EFL1: variants seen among roughly 807,000 people sequenced by gnomAD.
The protein encoded by EFL1 is elongation factor like GTPase 1, also known as elongation factor-like GTPase 1.
In EFL1, 76 loss-of-function variants were observed where a neutral mutation model predicts 126.7. That is an observed-to-expected ratio of 0.60 (90% CI 0.50 to 0.73). The LOEUF is 0.73. Among genes scored for constraint, EFL1 ranks in the 30% least tolerant of loss-of-function variants. EFL1 has a pLI of 0.00. For synonymous variants in EFL1, 410 were observed against 448.4 expected, an observed-to-expected ratio of 0.91 and a Z score of 1.08; for missense variants, 1,128 against 1,343.2, an observed-to-expected ratio of 0.84 and a Z score of 2.50.
chr15:82,251,075 G>A (rs1293465289), intron 4 of EFL1, among the ~76,000 whole-genome samples: 8 of 152,130 alleles, frequency 5.3e-5, no homozygotes, highest in Non-Finnish European at 1.2e-4. Flanking sequence ...AGCCGGGCAC[G>A]GTGGCATGCA....
At chr15:82,199,366 G>C (rs1005519378) in intron 15 of EFL1, among the ~76,000 whole-genome samples, 2 of 152,204 alleles carry the variant, frequency 1.3e-5, no homozygotes, top group African/African-American at 4.8e-5. Context: ...AAATATCCGA[G>C]AGTAAGAAGG....
chr15:82,241,159 G>A (rs1266923699), intron 5 of EFL1, 111 bp downstream of exon 5: 35 of 1,293,912 alleles, frequency 2.7e-5, no homozygotes, highest in Non-Finnish European at 4.3e-6. Context: ...GTTACCAAAT[G>A]TGAAATATAA....
At chr15:82,170,666 T>A (rs1469370166) in intron 15 of EFL1, among the ~76,000 whole-genome samples, 4 of 152,226 alleles carry the variant, frequency 2.6e-5, no homozygotes, top group African/African-American at 7.2e-5. Flanking sequence ...GATTTGTTAA[T>A]CAAATTTAAG....
chr15:82,259,528 C>T (rs1040577349), intron 2 of EFL1, among the ~76,000 whole-genome samples: 1 of 152,136 alleles, frequency 6.6e-6, no homozygotes, highest in Non-Finnish European at 1.5e-5. Flanking sequence ...GAACATTATC[C>T]ATATCTCTTA....
intron 16 of EFL1, among the ~76,000 whole-genome samples, chr15:82,161,183 A>G (rs528148129): frequency 2.2e-4 from 28 of 127,740 alleles, no homozygotes; most frequent in African/African-American, 1.0e-3. Context: ...AGTTGTCACA[A>G]TAAAAAAAAA....
chr15:82,153,455 G>C (rs903010410), intron 17 of EFL1, among the ~76,000 whole-genome samples: 1 of 151,922 alleles, frequency 6.6e-6, no homozygotes, highest in Non-Finnish European at 1.5e-5. Flanking sequence ...GCAGGTGTGT[G>C]CATTAAAAAA....
At chr15:82,196,889 G>A (rs1371118836) in intron 15 of EFL1, among the ~76,000 whole-genome samples, 2 of 152,092 alleles carry the variant, frequency 1.3e-5, no homozygotes, top group African/African-American at 2.4e-5. Context: ...AAAATTAGCC[G>A]GGCATGGTGG....
In EFL1 at chr15:82,241,132, C is replaced by T. The variant is rs2074926716; in HGVS notation, c.378+138G>A. The T allele has an allele frequency of 5.3e-6, 5 of 942,540 alleles. No individual in the cohort carries two copies. In the African/African-American group the frequency reaches 8.2e-5, roughly 16 times the overall value. The allele number at this position is 942,540 out of a possible 1,614,324, so 58.4% of individuals were successfully genotyped here. ...CCTTCAGAACTCTGGTGATTTAACTCCTTCACAGACTGGAACGTTACCAAA... is the reference window on the plus strand; with the variant it reads ...CCTTCAGAACTCTGGTGATTTAACTTCTTCACAGACTGGAACGTTACCAAA... On this transcript the variant is annotated intron_variant, in intron 5 of 19. Coordinates refer to ENST00000268206, the MANE Select transcript of EFL1 (RefSeq NM_024580.6).
chr15:82,157,724 G>C lies in EFL1; in HGVS notation c.2019C>G (p.Asp673Glu), dbSNP rs750088840. 6.2e-7 allele frequency: 1 copy of C among 1,612,030 alleles called. No homozygotes were observed. The highest frequency in any genetic ancestry group is 1.1e-5 in the South Asian group (1 of 90,724). ...GEVHLQRCLD[D>E]LKERFAKIHI... ...CATTTTCACCTAACCTTTCTTTTAAGTCATCCAGGCATCGCTGAAGGTGGA... is the reference window on the plus strand; with the variant it reads ...CATTTTCACCTAACCTTTCTTTTAACTCATCCAGGCATCGCTGAAGGTGGA... Residue 673 changes from aspartate to glutamate, a missense_variant, in exon 17 of 20, where the codon GAC (aspartate) becomes GAG (glutamate). By Grantham distance (45) the Asp-to-Glu change is conservative. Coordinates refer to ENST00000268206, the MANE Select transcript of EFL1 (RefSeq NM_024580.6).
intron 15 of EFL1, among the ~76,000 whole-genome samples, chr15:82,206,910 A>AAT (rs1458643678): frequency 1.2e-4 from 19 of 152,174 alleles, no homozygotes; most frequent in African/African-American, 4.6e-4. Flanking sequence ...TGCTGATATC[A>AAT]AAACTCCACA....
intron 12 of EFL1, 45 bp downstream of exon 12, chr15:82,225,120 A>G: frequency 6.8e-7 from 1 of 1,477,128 alleles, no homozygotes; most frequent in South Asian, 1.2e-5. Flanking sequence ...CCCACCAAAC[A>G]TACACCATAT....
chr15:82,141,063 G>A (rs2073781470), intron 18 of EFL1, among the ~76,000 whole-genome samples: 2 of 152,134 alleles, frequency 1.3e-5, no homozygotes, highest in African/African-American at 2.4e-5. Context: ...CTCAAAGACA[G>A]CTGTCTCATG....
At chr15:82,188,163 G>C (rs573927184) in intron 15 of EFL1, among the ~76,000 whole-genome samples, 1 of 152,062 alleles carries the variant, frequency 6.6e-6, no homozygotes, top group Admixed American at 6.5e-5. Context: ...AACAATTGTT[G>C]TCTTTATCTT....
At chr15:82,190,636 C>T (rs1408019524) in intron 15 of EFL1, among the ~76,000 whole-genome samples, 1 of 152,004 alleles carries the variant, frequency 6.6e-6, no homozygotes, top group African/African-American at 2.4e-5. Context: ...TGTTAGTGAT[C>T]CAATAATTTG....
At chr15:82,253,123 C>CT (rs2075038450) in intron 3 of EFL1, among the ~76,000 whole-genome samples, 1 of 152,026 alleles carries the variant, frequency 6.6e-6, no homozygotes, top group South Asian at 2.1e-4. Context: ...ACTGCAAACT[C>CT]TACTTCCCAG....
intron 15 of EFL1, among the ~76,000 whole-genome samples, chr15:82,169,020 T>C (rs564000198): frequency 1.3e-5 from 2 of 152,224 alleles, no homozygotes; most frequent in Admixed American, 6.5e-5. Context: ...GGTCCCAATT[T>C]ATGCCCCAAG....
chr15:82,232,091 A>C (rs1295324163), intron 7 of EFL1, among the ~76,000 whole-genome samples: 11 of 152,134 alleles, frequency 7.2e-5, no homozygotes, highest in Admixed American at 7.2e-4. Context: ...AATCCAATTC[A>C]GGACCTACAG....
intron 15 of EFL1, among the ~76,000 whole-genome samples, chr15:82,192,217 T>C (rs1446480083): frequency 6.6e-6 from 1 of 152,018 alleles, no homozygotes; most frequent in Admixed American, 6.5e-5. Flanking sequence ...CTGGCCAACA[T>C]GGCAAAACCT....
Position 82,152,129 on chromosome 15 carries a change from A to C in EFL1, c.2325T>G (p.Ser775=), listed in dbSNP as rs754962168. The change falls in exon 18 of 20, where the codon TCT becomes TCG. Residue 775 remains serine (S), a synonymous_variant. Transcript: ENST00000268206. ...ILEENSDLIR[S]MEQLTSSLNE... ...TCAAAGAGGATGTCAACTGCTCCAT[A>C]GAACGAATCAAATCACTATTTTCTT... The C allele has an allele frequency of 1.2e-6, 2 of 1,614,164 alleles. No individual in the cohort carries two copies. The highest frequency in any genetic ancestry group is 1.7e-6 in the Non-Finnish European group (2 of 1,180,038).
Sources: gnomAD v4.1 joint callset for allele counts (sites outside exome capture counted in the v4.1 genomes callset) on GRCh38, gnomAD v4.1.1 for gene constraint, MANE v1.5 for transcripts, NCBI Gene and HGNC (gene_info 2026-07-23, HGNC 2026-07-21) for gene names.